Variants in SLIT3 observed in about 807,000 individuals in gnomAD.
The protein encoded by SLIT3 is slit guidance ligand 3, also known as slit homolog 3 protein.
In SLIT3, 68 loss-of-function variants were observed where a neutral mutation model predicts 184.0. The ratio of observed to expected loss-of-function variants is 0.37; its 90% CI spans 0.30 to 0.45. The LOEUF (loss-of-function observed/expected upper bound fraction) is 0.45. Among genes scored for constraint, SLIT3 ranks in the 20% least tolerant of loss-of-function variants. The probability of loss-of-function intolerance (pLI) is 1.00; values close to 1 mark genes in which losing one functional copy is unlikely to be tolerated. For missense variants in SLIT3, 1,707 were observed against 2,026.0 expected (o/e 0.84, Z 3.02); for synonymous variants, 831 against 828.6 (o/e 1.00, Z -0.05).
chr5:168,754,949 T>G (rs1300828087), intron 16 of SLIT3, among the ~76,000 whole-genome samples: 6 of 152,206 alleles, frequency 3.9e-5, no homozygotes, highest in African/African-American at 1.4e-4. Flanking sequence ...TGCTCCCCAC[T>G]CCTTGGGACT....
intron 3 of SLIT3, among the ~76,000 whole-genome samples, chr5:169,228,604 G>T (rs1327147286): frequency 6.6e-6 from 1 of 152,134 alleles, no homozygotes; most frequent in Non-Finnish European, 1.5e-5. Context: ...TATACTTCAT[G>T]TATGCTTGTT....
chr5:168,966,924 C>T (rs1053493984), intron 4 of SLIT3, among the ~76,000 whole-genome samples: 7 of 152,122 alleles, frequency 4.6e-5, no homozygotes, highest in Admixed American at 2.6e-4. Flanking sequence ...AAGCTCTTAA[C>T]GTGCACATAA....
chr5:169,181,924 G>A (rs570649274), intron 4 of SLIT3, among the ~76,000 whole-genome samples: 28 of 152,084 alleles, frequency 1.8e-4, no homozygotes, highest in Non-Finnish European at 3.7e-4. Context: ...AAGTCAAGAT[G>A]TTCCCTTTAT....
intron 7 of SLIT3, 25 bp downstream of exon 7, chr5:168,823,233 GGA>G (rs1757590483): frequency 6.3e-7 from 1 of 1,592,700 alleles, no homozygotes; most frequent in Non-Finnish European, 8.6e-7. Flanking sequence ...GGAGAAAATG[GGA>G]GAGATGCACA....
At chr5:169,106,919 C>A (rs1425638859) in intron 4 of SLIT3, among the ~76,000 whole-genome samples, 1 of 152,226 alleles carries the variant, frequency 6.6e-6, no homozygotes, top group African/African-American at 2.4e-5. Context: ...CCAAATGCAG[C>A]TTTGCTTAGC....
chr5:168,752,998 T>A lies in SLIT3; in HGVS notation c.1930A>T (p.Ile644Phe). 4 of 1,613,972 alleles carry A rather than the reference T, an allele frequency of 2.5e-6. No homozygotes were observed. The highest frequency in any genetic ancestry group is 3.4e-6 in the Non-Finnish European group (4 of 1,179,984). ...AGCGTGGTGAAGGCCCCAGGGGTGA[T>A]GGTGGTGATCCGATTGTCATAGAGG... is the stretch of plus-strand genomic sequence containing the variant. The part of the protein sequence containing the change: ...LSLYDNRITT[I>F]TPGAFTTLVS... Residue 644 changes from isoleucine (I) to phenylalanine (F), a missense_variant, in exon 18 of 36, where the codon ATC (isoleucine) becomes TTC (phenylalanine). Ile to Phe is a conservative substitution (Grantham distance 21). Transcript: ENST00000519560.
chr5:168,682,874 C>G (rs906175101), intron 32 of SLIT3, among the ~76,000 whole-genome samples: 2 of 152,016 alleles, frequency 1.3e-5, no homozygotes, highest in African/African-American at 4.8e-5. Flanking sequence ...GGTAGTTTGA[C>G]ATGATTTTAG....
chr5:168,888,911 A>T (rs1186142987), intron 4 of SLIT3, among the ~76,000 whole-genome samples: 1 of 152,204 alleles, frequency 6.6e-6, no homozygotes, highest in Non-Finnish European at 1.5e-5. Flanking sequence ...TGCATTCAGT[A>T]TCAATCAAAA....
chr5:168,902,032 T>C (rs970748880), intron 4 of SLIT3, among the ~76,000 whole-genome samples: 1 of 152,154 alleles, frequency 6.6e-6, no homozygotes, highest in South Asian at 2.1e-4. Context: ...GCTGGGACTA[T>C]AGGTGTGCAT....
intron 4 of SLIT3, among the ~76,000 whole-genome samples, chr5:168,930,161 G>C (rs1456268711): frequency 6.6e-6 from 1 of 152,150 alleles, no homozygotes; most frequent in Admixed American, 6.5e-5. Context: ...GGGGAGTGAG[G>C]ACTGGGAATT....
At chr5:168,723,060 G>T in intron 21 of SLIT3, 56 bp from the exon 22 acceptor site, 2 of 1,310,178 alleles carry the variant, frequency 1.5e-6, no homozygotes, top group Non-Finnish European at 2.2e-6. Context: ...TCTGTAGGAG[G>T]CCATTCCCAA....
intron 34 of SLIT3, among the ~76,000 whole-genome samples, chr5:168,670,193 C>T (rs1037296055): frequency 2.0e-5 from 3 of 152,230 alleles, no homozygotes; most frequent in African/African-American, 7.2e-5. Flanking sequence ...GAGTGTCACC[C>T]AGTGTCCACT....
At chr5:169,002,390 ACAGATGGGG>A (rs1301570962) in intron 4 of SLIT3, among the ~76,000 whole-genome samples, 1 of 150,500 alleles carries the variant, frequency 6.6e-6, no homozygotes, top group Non-Finnish European at 1.5e-5. Flanking sequence ...ATCAATGAGT[ACAGATGGGG>A]CAGATGGGGA....
chr5:169,078,783 G>C (rs1758848555), intron 4 of SLIT3, among the ~76,000 whole-genome samples: 2 of 152,214 alleles, frequency 1.3e-5, no homozygotes, highest in Admixed American at 1.3e-4. Flanking sequence ...AACACTGATG[G>C]TGTGGCAGAT....
At chr5:168,857,379 TTTTGTTTTG>T (rs1220445415) in intron 5 of SLIT3, among the ~76,000 whole-genome samples, 2 of 105,502 alleles carry the variant, frequency 1.9e-5, no homozygotes, top group Non-Finnish European at 4.5e-5. Context: ...TTTGTTTTTG[TTTTGTTTTG>T]TTTTGTTTTG....
chr5:168,823,045 G>A lies in SLIT3; in HGVS notation c.629+215C>T, dbSNP rs576601357. On this transcript the variant is annotated intron_variant, in intron 7 of 35. Transcript: ENST00000519560. ...GAAATGAGTCTGTCTGACGCAGAACGGTGGTTCAGAACCATGGTTGGTGGC... is the reference window on the plus strand; with the variant it reads ...GAAATGAGTCTGTCTGACGCAGAACAGTGGTTCAGAACCATGGTTGGTGGC... Among the ~76,000 whole-genome samples, 6 of 152,266 alleles carry A rather than the reference G, an allele frequency of 3.9e-5. No individual in the cohort carries two copies. In the South Asian group the frequency reaches 6.2e-4, roughly 16 times the overall value.
chr5:169,195,250 C>T (rs372754821), intron 3 of SLIT3, among the ~76,000 whole-genome samples: 1 of 152,174 alleles, frequency 6.6e-6, no homozygotes, highest in Admixed American at 6.5e-5. Flanking sequence ...CCATTTCCCC[C>T]CTTTCTTCCT....
chr5:169,147,776 G>A (rs921581334), intron 4 of SLIT3, among the ~76,000 whole-genome samples: 1 of 152,124 alleles, frequency 6.6e-6, no homozygotes, highest in Non-Finnish European at 1.5e-5. Context: ...GGTGTCTGGT[G>A]CAACCTGCGC....
intron 35 of SLIT3, among the ~76,000 whole-genome samples, chr5:168,667,279 T>G (rs1582506158): frequency 6.6e-6 from 1 of 152,202 alleles, no homozygotes; most frequent in African/African-American, 2.4e-5. Flanking sequence ...ACTATTTAAG[T>G]GAATATATTT....
Sources: gnomAD v4.1 joint callset for allele counts (sites outside exome capture counted in the v4.1 genomes callset) on GRCh38, gnomAD v4.1.1 for gene constraint, MANE v1.5 for transcripts, NCBI Gene and HGNC (gene_info 2026-07-23, HGNC 2026-07-21) for gene names.